ROR2: variants seen among roughly 807,000 people sequenced by gnomAD.
The protein encoded by ROR2 is tyrosine-protein kinase transmembrane receptor ROR2.
In ROR2, 33 loss-of-function variants were observed where a neutral mutation model predicts 74.9. That is an observed-to-expected ratio of 0.44 (90% confidence interval 0.33 to 0.59). ROR2 has a LOEUF of 0.59. ROR2 is among the 20% of genes least tolerant of loss of function. The pLI is 0.02. For missense variants in ROR2, 1,216 were observed against 1,313.8 expected (o/e 0.93, Z 1.15); for synonymous variants, 586 against 558.7 (o/e 1.05, Z -0.69).
chr9:91,839,330 G>A (rs1299252999), intron 1 of ROR2, among the ~76,000 whole-genome samples: 1 of 143,770 alleles, frequency 7.0e-6, no homozygotes, highest in Non-Finnish European at 1.6e-5. Context: ...GTATATGTGT[G>A]GTGTATGAAT....
chr9:91,870,353 G>A (rs76345920), intron 1 of ROR2, among the ~76,000 whole-genome samples: 2,793 of 152,214 alleles, frequency 0.018, 80 homozygotes, highest in African/African-American at 0.057. Flanking sequence ...TCCTTCGTAC[G>A]GAGCAACAGC....
chr9:91,740,669 T>C (rs112277578), intron 4 of ROR2, among the ~76,000 whole-genome samples: 63 of 151,972 alleles, frequency 4.1e-4, no homozygotes, highest in African/African-American at 1.4e-3. Flanking sequence ...GAGAAAACTA[T>C]GGGAGTTGCT....
At chr9:91,799,709 T>C (rs1211907802) in intron 1 of ROR2, among the ~76,000 whole-genome samples, 1 of 152,236 alleles carries the variant, frequency 6.6e-6, no homozygotes, top group Non-Finnish European at 1.5e-5. Context: ...CTCACATTCC[T>C]GACACACAAG....
chr9:91,732,670 G>C (rs555102148), intron 6 of ROR2, among the ~76,000 whole-genome samples: 1 of 152,348 alleles, frequency 6.6e-6, no homozygotes, highest in South Asian at 2.1e-4. Flanking sequence ...TGATCCTCCA[G>C]GTTTCAGGAG....
intron 1 of ROR2, among the ~76,000 whole-genome samples, chr9:91,783,616 C>T (rs555099044): frequency 3.5e-4 from 53 of 152,338 alleles, no homozygotes; most frequent in South Asian, 6.2e-4. Context: ...GCTGCAGCCC[C>T]GCCCTAGGCC....
intron 4 of ROR2, among the ~76,000 whole-genome samples, chr9:91,749,527 G>T (rs1257192796): frequency 6.6e-6 from 1 of 152,148 alleles, no homozygotes; most frequent in African/African-American, 2.4e-5. Flanking sequence ...ACATGAATTT[G>T]GTGGGAAACA....
At chr9:91,926,169 CAGG>C (rs1392259826) in intron 1 of ROR2, among the ~76,000 whole-genome samples, 2 of 151,690 alleles carry the variant, frequency 1.3e-5, no homozygotes, top group Non-Finnish European at 2.9e-5. Flanking sequence ...ATCATGAGGT[CAGG>C]AGATCGAGAC....
intron 1 of ROR2, among the ~76,000 whole-genome samples, chr9:91,841,708 G>A (rs1828787313): frequency 6.6e-6 from 1 of 152,154 alleles, no homozygotes; most frequent in South Asian, 2.1e-4. Flanking sequence ...ACCTCTCCTG[G>A]GAGCAAGCTT....
chr9:91,914,569 T>C (rs1412478891), intron 1 of ROR2, among the ~76,000 whole-genome samples: 1 of 152,142 alleles, frequency 6.6e-6, no homozygotes, highest in Non-Finnish European at 1.5e-5. Flanking sequence ...GTGGGCACAG[T>C]GGCCGCTCCA....
chr9:91,761,980 T>C (rs746612089), intron 2 of ROR2, among the ~76,000 whole-genome samples: 2 of 152,214 alleles, frequency 1.3e-5, no homozygotes, highest in Non-Finnish European at 2.9e-5. Flanking sequence ...TCCCATCTCC[T>C]CAGCTGCATC....
At position 91,827,522 on chromosome 9, in the gene ROR2, T is replaced by C. The variant is rs539160001; in HGVS notation, c.98-51704A>G. Among the ~76,000 whole-genome samples, 10 of 152,356 alleles carry C rather than the reference T, an allele frequency of 6.6e-5. No homozygotes were observed. In the South Asian group the frequency reaches 1.9e-3, roughly 28 times the overall value. ...AATTGTCAACTGCACCAAATAAAGC[T>C]ATGATACACTTCCATCTGTAAATCT... On this transcript the variant is annotated intron_variant, in intron 1 of 8. Coordinates refer to ENST00000375708, the MANE Select transcript of ROR2 (RefSeq NM_004560.4).
intron 1 of ROR2, among the ~76,000 whole-genome samples, chr9:91,817,757 G>A (rs1462023886): frequency 6.6e-6 from 1 of 152,148 alleles, no homozygotes; most frequent in East Asian, 1.9e-4. Context: ...AGTCAAGGCT[G>A]GGTTTAACGA....
chr9:91,830,820 G>GT lies in ROR2; in HGVS notation c.98-55003dup, dbSNP rs1293507204. ...TAAATAACTGTGTCCGTGTGTGTGT[G>GT]TGTGTGTGTGTGTGTGTGTGTGTGT... is the stretch of plus-strand genomic sequence containing the variant. On this transcript the variant is annotated intron_variant, in intron 1 of 8. Coordinates refer to ENST00000375708, the MANE Select transcript of ROR2 (RefSeq NM_004560.4). Among the ~76,000 whole-genome samples, 82 of 147,490 alleles carry GT rather than the reference G, an allele frequency of 5.6e-4. 1 individual carries two copies. The highest frequency in any genetic ancestry group is 1.1e-3 in the Non-Finnish European group (71 of 67,058).
At chr9:91,894,023 T>C (rs1830482942) in intron 1 of ROR2, among the ~76,000 whole-genome samples, 1 of 152,212 alleles carries the variant, frequency 6.6e-6, no homozygotes, top group African/African-American at 2.4e-5. Context: ...ATTCCCCTGC[T>C]GAAAGCCTTC....
In ROR2 at chr9:91,733,726, G is replaced by T. The variant is rs969770866; in HGVS notation, c.623-290C>A. On this transcript the variant is annotated intron_variant, in intron 5 of 8. Coordinates refer to ENST00000375708, the MANE Select transcript of ROR2 (RefSeq NM_004560.4). The surrounding 1 kb of genome is among the most constrained non-coding windows in gnomAD (Gnocchi z 5.7). ...GCAGAACAAGAAAGAAGGAAAACTC[G>T]GCCCCCTAGCTCACTCCGCTAGGTG... 6.6e-6 allele frequency among the ~76,000 whole-genome samples: 1 copy of T among 151,882 alleles called. No homozygotes were observed. The highest frequency in any genetic ancestry group is 1.9e-4 in the East Asian group (1 of 5,184).
intron 1 of ROR2, among the ~76,000 whole-genome samples, chr9:91,887,938 C>T (rs867288847): frequency 2.0e-5 from 3 of 151,836 alleles, no homozygotes; most frequent in South Asian, 2.1e-4. Flanking sequence ...ATTACAGGCA[C>T]GAGCCACCAC....
At chr9:91,873,272 A>C (rs1829858283) in intron 1 of ROR2, among the ~76,000 whole-genome samples, 1 of 152,160 alleles carries the variant, frequency 6.6e-6, no homozygotes, top group African/African-American at 2.4e-5. Flanking sequence ...AGCTCTCTCT[A>C]GCAAGAGCAT....
At chr9:91,771,866 T>C (rs1237306093) in intron 2 of ROR2, among the ~76,000 whole-genome samples, 1 of 152,252 alleles carries the variant, frequency 6.6e-6, no homozygotes, top group Non-Finnish European at 1.5e-5. Context: ...ATATCACTGA[T>C]GAACTGGTCC....
At chr9:91,851,343 G>A (rs922333928) in intron 1 of ROR2, among the ~76,000 whole-genome samples, 1 of 136,486 alleles carries the variant, frequency 7.3e-6, no homozygotes, top group Non-Finnish European at 1.5e-5. Flanking sequence ...GACAGAGCAA[G>A]ACTCCGTCTC....
Sources: allele counts gnomAD v4.1 joint callset (sites outside exome capture counted in the v4.1 genomes callset), GRCh38; gene constraint gnomAD v4.1.1; non-coding constraint Gnocchi (gnomAD v3.1); transcripts MANE v1.5; gene names NCBI Gene and HGNC (gene_info 2026-07-23, HGNC 2026-07-21).